The following SCARB1 variants were observed in gnomAD, a reference collection of about 807,000 sequenced individuals.
SCARB1 encodes CD36 and LIMPII analogous 1.
Under a neutral mutation model 57.2 loss-of-function variants are expected in SCARB1, and 30 were observed. The ratio of observed to expected loss-of-function variants is 0.52; its 90% CI spans 0.39 to 0.71. The LOEUF is 0.71. SCARB1 is among the 30% of genes least tolerant of loss of function. The probability of loss-of-function intolerance (pLI) is 0.00; values close to 1 mark genes in which losing one functional copy is unlikely to be tolerated. For missense variants in SCARB1, 543 were observed against 671.2 expected, an observed-to-expected ratio of 0.81 and a Z score of 2.11; for synonymous variants, 249 against 268.3, an observed-to-expected ratio of 0.93 and a Z score of 0.70.
At chr12:124,845,537 C>CAAAA (rs34178546) in intron 1 of SCARB1, among the ~76,000 whole-genome samples, 1,393 of 106,356 alleles carry the variant, frequency 0.013, 33 homozygotes, top group African/African-American at 0.044. Context: ...ATTAAAAATA[C>CAAAA]AAAAAAAAAA....
intron 6 of SCARB1, among the ~76,000 whole-genome samples, chr12:124,808,968 T>C (rs1278830408): frequency 6.6e-6 from 1 of 152,230 alleles, no homozygotes; most frequent in African/African-American, 2.4e-5. Context: ...ACTAAAAAAT[T>C]TTAAATTGCA....
chr12:124,796,851 C>T lies in SCARB1; in HGVS notation c.1129-1583G>A, dbSNP rs112482943. Among the ~76,000 whole-genome samples, 279 of 152,268 alleles carry T rather than the reference C, an allele frequency of 1.8e-3. 3 individuals carry two copies. The highest frequency in any genetic ancestry group is 6.3e-3 in the African/African-American group (260 of 41,538). On this transcript the variant is annotated intron_variant, in intron 8 of 12. Coordinates refer to ENST00000261693, the MANE Select transcript of SCARB1 (RefSeq NM_005505.5). The surrounding 1 kb of genome is among the most constrained non-coding windows in gnomAD (Gnocchi z 4.0). ...TCACCCGTGAGTAGAACAGAGTTCA[C>T]GCCACAGGCCTGAAGCTGCTCTCCT...
At chr12:124,857,483 C>A (rs1246578739) in intron 1 of SCARB1, among the ~76,000 whole-genome samples, 2 of 152,138 alleles carry the variant, frequency 1.3e-5, no homozygotes, top group African/African-American at 4.8e-5. Context: ...GTGGCTCTGG[C>A]TGAGGGAGGC....
chr12:124,858,946 C>T (rs1438587779), intron 1 of SCARB1, among the ~76,000 whole-genome samples: 2 of 152,060 alleles, frequency 1.3e-5, no homozygotes, highest in Non-Finnish European at 2.9e-5. Context: ...ACAAACACAG[C>T]TCACTGCAGC....
At chr12:124,841,099 C>A (rs566005872) in intron 1 of SCARB1, among the ~76,000 whole-genome samples, 1 of 151,942 alleles carries the variant, frequency 6.6e-6, no homozygotes, top group African/African-American at 2.4e-5. Flanking sequence ...AGGCTGGGCG[C>A]GGTGGCTCAC....
chr12:124,826,652 G>T (rs1028599149), intron 1 of SCARB1, among the ~76,000 whole-genome samples: 6 of 151,872 alleles, frequency 4.0e-5, no homozygotes, highest in African/African-American at 1.5e-4. Flanking sequence ...TAGAGACAAG[G>T]TCTCACTATG....
intron 1 of SCARB1, among the ~76,000 whole-genome samples, chr12:124,825,548 G>A (rs1181206954): frequency 6.6e-6 from 1 of 152,018 alleles, no homozygotes; most frequent in Non-Finnish European, 1.5e-5. Flanking sequence ...ACATGCACCT[G>A]TAGTCCCAGC....
intron 1 of SCARB1, among the ~76,000 whole-genome samples, chr12:124,855,250 C>T (rs187471874): frequency 6.6e-6 from 1 of 152,160 alleles, no homozygotes. Flanking sequence ...AATCAGTGAA[C>T]AGGAAGAAAC....
intron 1 of SCARB1, among the ~76,000 whole-genome samples, chr12:124,841,041 C>T (rs1171933158): frequency 6.6e-6 from 1 of 152,040 alleles, no homozygotes; most frequent in Non-Finnish European, 1.5e-5. Flanking sequence ...TAGTGGCACG[C>T]ACGTGTAATC....
chr12:124,802,951 C>G (rs1056068525), intron 7 of SCARB1, among the ~76,000 whole-genome samples: 1 of 152,072 alleles, frequency 6.6e-6, no homozygotes, highest in African/African-American at 2.4e-5. Context: ...CGGTCACGGT[C>G]GAAAAACAGG....
intron 8 of SCARB1, among the ~76,000 whole-genome samples, chr12:124,797,932 A>G (rs1467268124): frequency 6.6e-6 from 1 of 152,198 alleles, no homozygotes; most frequent in Non-Finnish European, 1.5e-5. Flanking sequence ...CAGAACTACC[A>G]TCGGATCAGT....
chr12:124,863,710 G>T lies in SCARB1; in HGVS notation c.11C>A (p.Ser4Tyr). The change falls in exon 1 of 13, where the codon TCC becomes TAC. Residue 4 changes from serine (S) to tyrosine (Y), a missense_variant. Coordinates refer to ENST00000261693, the MANE Select transcript of SCARB1 (RefSeq NM_005505.5). ...CCCGGCAGCCCAGCGCGCTTTGGCG[G>T]AGCAGCCCATGTCTGCGCGCCTGGG... The part of the protein sequence containing the change: MGC[S>Y]AKARWAAGAL... 6.5e-7 allele frequency: 1 copy of T among 1,528,934 alleles called. No homozygotes were observed. Among genetic ancestry groups the T allele is most frequent in the Non-Finnish European group, 8.8e-7 (1 of 1,137,472 alleles). The allele number at this position is 1,528,934 out of a possible 1,614,324, so 94.7% of individuals were successfully genotyped here.
At chr12:124,811,163 G>C (rs1313532771) in intron 5 of SCARB1, among the ~76,000 whole-genome samples, 1 of 152,236 alleles carries the variant, frequency 6.6e-6, no homozygotes, top group Non-Finnish European at 1.5e-5. Flanking sequence ...TGGATGGGAA[G>C]AATATATCCC....
At chr12:124,802,647 A>G (rs1950175110) in intron 7 of SCARB1, among the ~76,000 whole-genome samples, 1 of 152,108 alleles carries the variant, frequency 6.6e-6, no homozygotes, top group Non-Finnish European at 1.5e-5. Flanking sequence ...GTTTCTTCCA[A>G]TGTTATTACC....
intron 9 of SCARB1, among the ~76,000 whole-genome samples, chr12:124,793,701 A>G (rs1426664312): frequency 1.3e-5 from 2 of 151,034 alleles, no homozygotes; most frequent in Non-Finnish European, 3.0e-5. Context: ...TCAAAAAAAA[A>G]AAAAAAAAAA....
At position 124,817,701 on chromosome 12, in the gene SCARB1, G is replaced by T. The variant is rs368337422; in HGVS notation, c.133C>A (p.Arg45Ser). Residue 45 changes from arginine (R) to serine (S), a missense_variant, in exon 2 of 13, where the codon CGC (arginine) becomes AGC (serine). Arg to Ser is a moderately radical substitution (Grantham distance 110, BLOSUM62 -1). Coordinates refer to ENST00000261693, the MANE Select transcript of SCARB1 (RefSeq NM_005505.5). This position sits in a 1 kb window ranked among gnomAD's most constrained non-coding sequence, Gnocchi z 4.8. ...LIKQQVLKNVRIDPSSLSFNM... is the reference protein window; with the variant it reads ...LIKQQVLKNVSIDPSSLSFNM... ...AAGGACAGGCTACTGGGGTCGATGC[G>T]CACGTTCTGCAGGGGAAGGGACAAG... 6.2e-6 allele frequency: 10 copies of T among 1,614,092 alleles called. No individual in the cohort carries two copies. The South Asian group carries it at 1.1e-4, about 18-fold the overall frequency.
At chr12:124,852,767 G>A (rs1159552963) in intron 1 of SCARB1, among the ~76,000 whole-genome samples, 18 of 152,232 alleles carry the variant, frequency 1.2e-4, no homozygotes, top group East Asian at 1.2e-3. Context: ...CAAGCCAGGC[G>A]CGGTGGCTCA....
chr12:124,811,821 C>A, intron 5 of SCARB1, 49 bp downstream of exon 5: 1 of 1,380,422 alleles, frequency 7.2e-7, no homozygotes, highest in Non-Finnish European at 1.0e-6. Flanking sequence ...TGGCCGGGCC[C>A]ACCCTCCCCT....
intron 7 of SCARB1, among the ~76,000 whole-genome samples, chr12:124,801,672 C>A (rs910316077): frequency 5.3e-5 from 8 of 151,786 alleles, no homozygotes; most frequent in Non-Finnish European, 1.2e-4. Context: ...CCCAGCTACT[C>A]GGGAGGCTGA....
Sources: gnomAD v4.1 joint callset for allele counts (sites outside exome capture counted in the v4.1 genomes callset) on GRCh38, gnomAD v4.1.1 for gene constraint, Gnocchi (gnomAD v3.1) non-coding constraint, MANE v1.5 for transcripts, NCBI Gene and HGNC (gene_info 2026-07-23, HGNC 2026-07-21) for gene names.